The following CAMK1D variants were observed in gnomAD, a reference collection of about 807,000 sequenced individuals.
CAMK1D encodes calcium/calmodulin dependent protein kinase ID, also known as calcium/calmodulin-dependent protein kinase type 1D.
A neutral mutation model predicts 47.7 loss-of-function variants in CAMK1D; 9 were observed. That is an observed-to-expected ratio of 0.19 (90% CI 0.11 to 0.33). CAMK1D has a LOEUF of 0.33. CAMK1D is among the 10% of genes least tolerant of loss of function. The pLI, the probability that CAMK1D is intolerant of heterozygous loss-of-function variation, is 1.00. For synonymous variants in CAMK1D, 184 were observed against 184.9 expected (o/e 0.99, Z 0.04); for missense variants, 291 against 488.7 (o/e 0.60, Z 3.81).
intron 10 of CAMK1D, 166 bp downstream of exon 10, chr10:12,825,856 G>A: frequency 8.6e-7 from 1 of 1,156,394 alleles, no homozygotes; most frequent in Non-Finnish European, 1.2e-6. Flanking sequence ...TAATCACTGG[G>A]CTGGGTGCAG....
chr10:12,524,222 C>A (rs904507356), intron 1 of CAMK1D, among the ~76,000 whole-genome samples: 1 of 151,548 alleles, frequency 6.6e-6, no homozygotes, highest in Non-Finnish European at 1.5e-5. Context: ...ATCTCAGCCT[C>A]CCAAAGTGCT....
At chr10:12,827,852 C>G (rs80218770) in intron 10 of CAMK1D, among the ~76,000 whole-genome samples, 1 of 152,006 alleles carries the variant, frequency 6.6e-6, no homozygotes, top group Non-Finnish European at 1.5e-5. Flanking sequence ...CCGTGCGCAG[C>G]TAATTTTTGT....
chr10:12,769,649 GT>G (rs1389242772), intron 4 of CAMK1D, 23 bp from the exon 5 acceptor site: 5 of 1,613,086 alleles, frequency 3.1e-6, no homozygotes, highest in Admixed American at 1.7e-5. Context: ...AGTTTGTAAT[GT>G]TTTTTTCTTA....
At position 12,396,173 on chromosome 10, in the gene CAMK1D, CAA is replaced by C. The variant is rs1210443439; in HGVS notation, c.92+46266_92+46267del. Among the ~76,000 whole-genome samples, 4 of 152,214 alleles carry C rather than the reference CAA, an allele frequency of 2.6e-5. No individual in the cohort carries two copies. In the East Asian group the frequency reaches 7.8e-4, roughly 30 times the overall value. On this transcript the variant is annotated intron_variant, in intron 1 of 10. Coordinates refer to ENST00000619168, the MANE Select transcript of CAMK1D (RefSeq NM_153498.4). ...ACAGGCGTGAGCCACTGTGCCTGGT[CAA>C]AAGAGTTGTTTTTTAAGTGTTCAGT... is the stretch of plus-strand genomic sequence containing the variant.
chr10:12,637,776 A>G (rs1227335138), intron 2 of CAMK1D, among the ~76,000 whole-genome samples: 1 of 152,198 alleles, frequency 6.6e-6, no homozygotes, highest in Non-Finnish European at 1.5e-5. Flanking sequence ...CTGTGGTGCT[A>G]TATTGAGGCG....
chr10:12,367,075 G>C (rs970727201), intron 1 of CAMK1D, among the ~76,000 whole-genome samples: 18 of 152,142 alleles, frequency 1.2e-4, no homozygotes, highest in Non-Finnish European at 2.4e-4. Context: ...GCCAAGATGA[G>C]ACCTGACGCC....
At chr10:12,801,631 T>C (rs1023087963) in intron 6 of CAMK1D, among the ~76,000 whole-genome samples, 5 of 152,154 alleles carry the variant, frequency 3.3e-5, no homozygotes, top group Non-Finnish European at 5.9e-5. Flanking sequence ...CATCTATCTA[T>C]CTACCTATTT....
At chr10:12,511,011 A>C (rs1457291339) in intron 1 of CAMK1D, among the ~76,000 whole-genome samples, 1 of 152,230 alleles carries the variant, frequency 6.6e-6, no homozygotes, top group Non-Finnish European at 1.5e-5. Context: ...TTTGACCTCC[A>C]CTTTTCATTC....
At position 12,769,603 on chromosome 10, in the gene CAMK1D, G is replaced by T; in HGVS notation, c.439-70G>T. On this transcript the variant is annotated intron_variant, in intron 4 of 10. Transcript: ENST00000619168. ...GACGTTGTGAATAGGTTTTGCAGCT[G>T]AATGAGTCTTCCACAATTAACCCAG... The T allele has an allele frequency of 2.6e-6, 4 of 1,558,140 alleles. No homozygotes were observed. The Middle Eastern group carries it at 5.5e-4, about 212-fold the overall frequency.
intron 1 of CAMK1D, among the ~76,000 whole-genome samples, chr10:12,438,166 C>G (rs1462384708): frequency 2.0e-5 from 3 of 152,214 alleles, no homozygotes; most frequent in Non-Finnish European, 2.9e-5. Flanking sequence ...GAAGCACGTG[C>G]TCTTTTCTGC....
At chr10:12,400,752 G>A (rs977814341) in intron 1 of CAMK1D, among the ~76,000 whole-genome samples, 10 of 151,836 alleles carry the variant, frequency 6.6e-5, no homozygotes, top group South Asian at 2.1e-4. Flanking sequence ...AGAGTGTGAC[G>A]TAGGCCTCCA....
intron 2 of CAMK1D, among the ~76,000 whole-genome samples, chr10:12,570,405 G>A (rs778997260): frequency 8.6e-5 from 13 of 151,516 alleles, no homozygotes; most frequent in Admixed American, 2.6e-4. Context: ...GGGGCTGGGC[G>A]CAGTGGCTCA....
At chr10:12,363,804 G>T (rs972223782) in intron 1 of CAMK1D, among the ~76,000 whole-genome samples, 8 of 152,034 alleles carry the variant, frequency 5.3e-5, no homozygotes, top group African/African-American at 1.4e-4. Flanking sequence ...CAGTAGCTGG[G>T]ATCACAGGTG....
chr10:12,652,487 C>G (rs190793091), intron 2 of CAMK1D, among the ~76,000 whole-genome samples: 3,024 of 150,576 alleles, frequency 0.02, 34 homozygotes, highest in Middle Eastern at 0.032. Context: ...ACTTGGGAGG[C>G]TGAGGCAGGG....
chr10:12,414,580 G>A (rs139449845), intron 1 of CAMK1D, among the ~76,000 whole-genome samples: 67 of 152,180 alleles, frequency 4.4e-4, no homozygotes, highest in African/African-American at 1.4e-3. Context: ...CTCGAGCCTC[G>A]CTGTTGGAAT....
At chr10:12,782,369 C>T (rs1377964533) in intron 5 of CAMK1D, among the ~76,000 whole-genome samples, 1 of 152,220 alleles carries the variant, frequency 6.6e-6, no homozygotes, top group Non-Finnish European at 1.5e-5. Flanking sequence ...AGTATCACCT[C>T]CTTGTCTTGA....
intron 3 of CAMK1D, among the ~76,000 whole-genome samples, chr10:12,722,191 C>T (rs1834410918): frequency 6.6e-6 from 1 of 152,024 alleles, no homozygotes; most frequent in Admixed American, 6.6e-5. Context: ...CGCCTGTAAT[C>T]CCAGCACTTT....
intron 1 of CAMK1D, among the ~76,000 whole-genome samples, chr10:12,497,475 CAA>C (rs56786154): frequency 0.11 from 10,001 of 88,750 alleles, 323 homozygotes; most frequent in East Asian, 0.23. Flanking sequence ...GACTCCATCT[CAA>C]AAAAAAAAAA....
intron 1 of CAMK1D, among the ~76,000 whole-genome samples, chr10:12,544,405 T>C (rs1393524909): frequency 2.0e-5 from 3 of 152,240 alleles, no homozygotes; most frequent in African/African-American, 2.4e-5. Flanking sequence ...ATCTGCTGTC[T>C]CTTTTTACCA....
Sources: gnomAD v4.1 joint callset for allele counts (sites outside exome capture counted in the v4.1 genomes callset) on GRCh38, gnomAD v4.1.1 for gene constraint, MANE v1.5 for transcripts, NCBI Gene and HGNC (gene_info 2026-07-23, HGNC 2026-07-21) for gene names.